The following TBX15 variants were observed in gnomAD, a reference collection of about 807,000 sequenced individuals.
The protein encoded by TBX15 is T-box transcription factor TBX15.
A neutral mutation model predicts 53.9 loss-of-function variants in TBX15; 18 were observed. The ratio of observed to expected loss-of-function variants is 0.33; its 90% CI spans 0.23 to 0.49. TBX15 has a LOEUF of 0.49. Ranked by LOEUF, TBX15 falls within the 20% of genes least tolerant of loss-of-function variation. The probability of loss-of-function intolerance (pLI) is 0.98; values close to 1 mark genes in which losing one functional copy is unlikely to be tolerated. For missense variants in TBX15, 692 were observed against 749.5 expected, an observed-to-expected ratio of 0.92 and a Z score of 0.90; for synonymous variants, 295 against 278.0, an observed-to-expected ratio of 1.06 and a Z score of -0.61.
chr1:118,980,955 C>G (rs1183385851), intron 1 of TBX15, among the ~76,000 whole-genome samples: 1 of 152,090 alleles, frequency 6.6e-6, no homozygotes, highest in Non-Finnish European at 1.5e-5. Context: ...GCCTCAGCCT[C>G]CCAAGTAGCT....
chr1:118,927,940 G>C (rs1311200519), intron 2 of TBX15, among the ~76,000 whole-genome samples: 1 of 152,180 alleles, frequency 6.6e-6, no homozygotes, highest in African/African-American at 2.4e-5. Context: ...AACCATCTGG[G>C]GCTAGTTAGT....
intron 1 of TBX15, among the ~76,000 whole-genome samples, chr1:118,939,424 A>AC (rs1656082207): frequency 8.6e-6 from 1 of 115,762 alleles, no homozygotes; most frequent in African/African-American, 3.5e-5. Flanking sequence ...AAAAAAAAAA[A>AC]AAAAAAAAAA....
intron 1 of TBX15, among the ~76,000 whole-genome samples, chr1:118,948,876 G>A (rs1656425592): frequency 6.6e-6 from 1 of 152,106 alleles, no homozygotes; most frequent in Admixed American, 6.5e-5. Context: ...CTGCTAACTT[G>A]GTCCTTAGAA....
At chr1:118,911,585 A>G (rs943797823) in intron 6 of TBX15, among the ~76,000 whole-genome samples, 32 of 152,224 alleles carry the variant, frequency 2.1e-4, no homozygotes, top group African/African-American at 7.7e-4. Flanking sequence ...AAGATGCAAC[A>G]GTCTAATTCT....
At chr1:118,912,605 C>T (rs938043566) in intron 6 of TBX15, among the ~76,000 whole-genome samples, 8 of 151,988 alleles carry the variant, frequency 5.3e-5, no homozygotes, top group African/African-American at 1.9e-4. Flanking sequence ...CTTCTGTTAG[C>T]CCATAGTGCA....
intron 2 of TBX15, among the ~76,000 whole-genome samples, chr1:118,929,186 T>C (rs1214388860): frequency 6.6e-6 from 1 of 152,166 alleles, no homozygotes; most frequent in Non-Finnish European, 1.5e-5. Flanking sequence ...GTTGGTACAC[T>C]CAAAGACTGA....
At chr1:118,969,368 G>A (rs145486728) in intron 1 of TBX15, among the ~76,000 whole-genome samples, 126 of 152,318 alleles carry the variant, frequency 8.3e-4, no homozygotes, top group African/African-American at 2.9e-3. Context: ...GACCTGAAGG[G>A]AAGCCTATAA....
Position 118,982,783 on chromosome 1 carries a change from C to T in TBX15, c.205+4808G>A, listed in dbSNP as rs181021467. On this transcript the variant is annotated intron_variant, in intron 1 of 7. Transcript: ENST00000369429. ...TGTGTCAGCATCATTTCAGTCTGAA[C>T]TCCTGTTTAAGAAATTTAATTCTCC... 5.0e-4 allele frequency among the ~76,000 whole-genome samples: 76 copies of T among 152,336 alleles called. 1 individual carries two copies. The highest frequency in any genetic ancestry group is 4.1e-3 in the Admixed American group (62 of 15,298).
At chr1:118,909,441 T>G (rs2101547762) in intron 6 of TBX15, among the ~76,000 whole-genome samples, 1 of 152,240 alleles carries the variant, frequency 6.6e-6, no homozygotes, top group African/African-American at 2.4e-5. Flanking sequence ...ATCTGGGGGG[T>G]TCCTTCCTCC....
intron 1 of TBX15, among the ~76,000 whole-genome samples, chr1:118,957,763 T>C (rs1456651424): frequency 6.6e-6 from 1 of 152,174 alleles, no homozygotes; most frequent in East Asian, 1.9e-4. Context: ...AGAATGATGG[T>C]TTCCAGCTTC....
intron 7 of TBX15, among the ~76,000 whole-genome samples, chr1:118,887,115 C>T (rs891912671): frequency 3.3e-5 from 5 of 152,142 alleles, no homozygotes; most frequent in African/African-American, 1.2e-4. Context: ...GCTAGGGCTG[C>T]GGGGCCCTTT....
intron 2 of TBX15, among the ~76,000 whole-genome samples, chr1:118,927,781 A>G (rs948398186): frequency 6.6e-6 from 1 of 152,230 alleles, no homozygotes; most frequent in African/African-American, 2.4e-5. Flanking sequence ...AATAAAGTTC[A>G]CCATTCTTCT....
intron 5 of TBX15, among the ~76,000 whole-genome samples, chr1:118,919,541 T>G (rs1351236262): frequency 2.6e-5 from 4 of 152,124 alleles, no homozygotes; most frequent in Non-Finnish European, 5.9e-5. Flanking sequence ...GCATAACATA[T>G]TCCATGAAAA....
In TBX15 at chr1:118,884,386, G is replaced by A. The variant is rs115500761; in HGVS notation, c.*346C>T. ...GGTCTGTCTGTATGTGGGTGTGTAT[G>A]TGTAACTTTTCATGGCTGCCACACA... On this transcript the variant is annotated 3_prime_UTR_variant, in exon 8 of 8. Coordinates refer to ENST00000369429, the MANE Select transcript of TBX15 (RefSeq NM_001330677.2). 3.5e-3 allele frequency: 1,274 copies of A among 362,240 alleles called. 6 individuals carry two copies. The highest frequency in any genetic ancestry group is 4.7e-3 in the Non-Finnish European group (912 of 192,862). 22.4% of individuals were successfully genotyped at this position (362,240 alleles called of 1,614,324 possible). A position where few individuals can be genotyped will look rare whatever the true frequency, so the allele number is the denominator to read the frequency against.
At chr1:118,899,238 G>C (rs1571155997) in intron 6 of TBX15, 113 bp from the exon 7 acceptor site, 2 of 940,334 alleles carry the variant, frequency 2.1e-6, no homozygotes, top group Non-Finnish European at 3.4e-6. Context: ...TAGATACTAA[G>C]CTACCACCAT....
At chr1:118,915,336 T>C (rs1557882208) in intron 5 of TBX15, among the ~76,000 whole-genome samples, 1 of 152,248 alleles carries the variant, frequency 6.6e-6, no homozygotes, top group Admixed American at 6.5e-5. Flanking sequence ...TCTTTCCTAG[T>C]TCTCTTTCAC....
At chr1:118,907,286 C>T (rs1171781806) in intron 6 of TBX15, among the ~76,000 whole-genome samples, 4 of 152,274 alleles carry the variant, frequency 2.6e-5, no homozygotes, top group South Asian at 2.1e-4. Flanking sequence ...ATGAAGGCTC[C>T]GTCAGAGGAA....
In TBX15 at chr1:118,929,060, A is replaced by G. The variant is rs1655695678; in HGVS notation, c.420-2449T>C. Among the ~76,000 whole-genome samples, 5 of 152,368 alleles carry G rather than the reference A, an allele frequency of 3.3e-5. No homozygotes were observed. The South Asian group carries it at 1.0e-3, about 32-fold the overall frequency. On this transcript the variant is annotated intron_variant, in intron 2 of 7. Transcript: ENST00000369429. ...GAAAAGTTAACCTTTCATGTTTTACAAAAAGAGATGTGTTTGGTTTTAATT... is the reference window on the plus strand; with the variant it reads ...GAAAAGTTAACCTTTCATGTTTTACGAAAAGAGATGTGTTTGGTTTTAATT...
At chr1:118,902,484 C>T (rs185660744) in intron 6 of TBX15, among the ~76,000 whole-genome samples, 118 of 152,254 alleles carry the variant, frequency 7.8e-4, no homozygotes, top group Non-Finnish European at 1.4e-3. Context: ...AGAATGAATG[C>T]TTTATTGCTG....
Sources: gnomAD v4.1 joint callset for allele counts (sites outside exome capture counted in the v4.1 genomes callset) on GRCh38, gnomAD v4.1.1 for gene constraint, MANE v1.5 for transcripts, NCBI Gene and HGNC (gene_info 2026-07-23, HGNC 2026-07-21) for gene names.